The following RPS6KL1 variants were observed in gnomAD, a reference collection of about 807,000 sequenced individuals.
RPS6KL1 encodes the protein ribosomal protein S6 kinase-like 1.
A neutral mutation model predicts 57.0 loss-of-function variants in RPS6KL1; 41 were observed. The ratio of observed to expected loss-of-function variants is 0.72; its 90% CI spans 0.56 to 0.93. The LOEUF is 0.93. Ranked by LOEUF, RPS6KL1 falls within the 40% of genes least tolerant of loss-of-function variation. The pLI is 0.00. For missense variants in RPS6KL1, 697 were observed against 727.7 expected, an observed-to-expected ratio of 0.96 and a Z score of 0.49; for synonymous variants, 287 against 309.7, an observed-to-expected ratio of 0.93 and a Z score of 0.77.
At chr14:74,919,617 T>C (rs1887458520) in intron 4 of RPS6KL1, among the ~76,000 whole-genome samples, 1 of 152,200 alleles carries the variant, frequency 6.6e-6, no homozygotes, top group Non-Finnish European at 1.5e-5. Context: ...CGACTGGAGA[T>C]GACTCAGTGA....
chr14:74,913,026 T>C (rs1018532739), intron 5 of RPS6KL1, among the ~76,000 whole-genome samples: 1 of 152,236 alleles, frequency 6.6e-6, no homozygotes, highest in Non-Finnish European at 1.5e-5. Context: ...TCCTTGGCTG[T>C]TGGCCTGCCC....
At chr14:74,907,394 C>T (rs908819526) in intron 11 of RPS6KL1, 41 bp downstream of exon 11, 7 of 1,544,132 alleles carry the variant, frequency 4.5e-6, no homozygotes, top group Non-Finnish European at 6.1e-6. Context: ...GCACCTTCCT[C>T]AGGCTAGGCA....
At chr14:74,912,636 C>T (rs778068263) in intron 5 of RPS6KL1, among the ~76,000 whole-genome samples, 1 of 152,208 alleles carries the variant, frequency 6.6e-6, no homozygotes, top group Non-Finnish European at 1.5e-5. Context: ...GCTTGGCACG[C>T]TGCGTTCAGG....
At position 74,906,671 on chromosome 14, in the gene RPS6KL1, G is replaced by C; in HGVS notation, c.*343C>G. The C allele has an allele frequency of 1.9e-6, 1 of 532,554 alleles. No individual in the cohort carries two copies. The highest frequency in any genetic ancestry group is 3.8e-6 in the Non-Finnish European group (1 of 263,472). 33.0% of individuals were successfully genotyped at this position (532,554 alleles called of 1,614,324 possible). ...GAGTGAGTCACAGAACCTCACAGTAGGGTGCAGCAGGTGGTCAACAGCTCA... is the reference window on the plus strand; with the variant it reads ...GAGTGAGTCACAGAACCTCACAGTACGGTGCAGCAGGTGGTCAACAGCTCA... On this transcript the variant is annotated 3_prime_UTR_variant, in exon 12 of 12. Transcript: ENST00000557413.
At chr14:74,921,136 T>C in intron 3 of RPS6KL1, 141 bp downstream of exon 3, 1 of 712,500 alleles carries the variant, frequency 1.4e-6, no homozygotes, top group Non-Finnish European at 2.3e-6. Context: ...TATCATTGTC[T>C]TTTATGGAGG....
In RPS6KL1 at chr14:74,910,059, G is replaced by A. The variant is rs775262253; in HGVS notation, c.754C>T (p.Gln252Ter). The change falls in exon 8 of 12, where the codon CAG (glutamine) becomes TAG (stop). Residue 252 changes from glutamine to a stop codon, truncating the protein, a stop_gained. Coordinates refer to ENST00000557413, the MANE Select transcript of RPS6KL1 (RefSeq NM_031464.5). LOFTEE classifies it high-confidence loss of function. ...AGGAGGTTGAGGTGGGGGTTGAGCT[G>A]AGCCTTCATCCTCTCCTGGGTAGAG... ...SGSTQERMKA[Q>*]LNPHLNLLTP... 3 of 1,611,668 alleles carry A rather than the reference G, an allele frequency of 1.9e-6. No individual in the cohort carries two copies. The highest frequency in any genetic ancestry group is 1.7e-6 in the Non-Finnish European group (2 of 1,179,362).
chr14:74,916,408 G>C (rs548200606), intron 5 of RPS6KL1, among the ~76,000 whole-genome samples: 37 of 152,178 alleles, frequency 2.4e-4, no homozygotes, highest in Non-Finnish European at 8.8e-5. Context: ...AGAATGCGGC[G>C]GGCCACTGGC....
At chr14:74,911,621 G>GTATGTGTA in intron 6 of RPS6KL1, 173 bp downstream of exon 6, 1 of 684,684 alleles carries the variant, frequency 1.5e-6, no homozygotes, top group African/African-American at 1.8e-5. Flanking sequence ...ATGTGTATGT[G>GTATGTGTA]TGTGTGTGCA....
chr14:74,908,876 G>A lies in RPS6KL1; in HGVS notation c.1417C>T (p.Leu473=), dbSNP rs1056922839. ...ATTCCCGTCAGCAGTTCATACAGTA[G>A]AGACCCAAAGCTCCACCAGTCACAG... ...EACDWWSFGS[L]LYELLTGMAL... is the part of the protein sequence containing the mutation. The change falls in exon 10 of 12, where the codon CTA becomes TTA. Residue 473 remains leucine, a synonymous_variant. Coordinates refer to ENST00000557413, the MANE Select transcript of RPS6KL1 (RefSeq NM_031464.5). 1.2e-6 allele frequency: 2 copies of A among 1,614,014 alleles called. No homozygotes were observed. Among genetic ancestry groups the A allele is most frequent in the Non-Finnish European group, 1.7e-6 (2 of 1,180,032 alleles).
At chr14:74,921,238 T>TTGCCCCCCCCC in intron 3 of RPS6KL1, 39 bp downstream of exon 3, 11 of 840,166 alleles carry the variant, frequency 1.3e-5, no homozygotes, top group Non-Finnish European at 1.6e-5. Flanking sequence ...CACTGGCCCT[T>TTGCCCCCCCCC]CCCCACCCAC....
chr14:74,921,125 C>T, intron 3 of RPS6KL1, 152 bp downstream of exon 3: 1 of 659,366 alleles, frequency 1.5e-6, no homozygotes, highest in Non-Finnish European at 2.6e-6. Context: ...TAAGTGCCAG[C>T]TATCATTGTC....
intron 8 of RPS6KL1, 35 bp from the exon 9 acceptor site, chr14:74,909,225 T>C (rs376155031): frequency 1.6e-5 from 26 of 1,592,140 alleles, no homozygotes; most frequent in African/African-American, 4.0e-5. Flanking sequence ...AGGGGACAGA[T>C]TGAGGACAGC....
chr14:74,906,777 C>T lies in RPS6KL1; in HGVS notation c.*237G>A, dbSNP rs756154111. 62 of 677,720 alleles carry T rather than the reference C, an allele frequency of 9.1e-5. 1 individual carries two copies. The Admixed American group carries it at 1.2e-3, about 13-fold the overall frequency. 42.0% of individuals were successfully genotyped at this position (677,720 alleles called of 1,614,324 possible). A position where few individuals can be genotyped will look rare whatever the true frequency, so the allele number is the denominator to read the frequency against. ...TCTGTTGACTGATGGGTAGATGGTT[C>T]AAGCTGCTTAGCAGGGCAAGCCTTG... On this transcript the variant is annotated 3_prime_UTR_variant, in exon 12 of 12. Transcript: ENST00000557413.
chr14:74,921,339 T>C lies in RPS6KL1; in HGVS notation c.203A>G (p.Asp68Gly). 1 of 1,614,158 alleles carries C rather than the reference T, an allele frequency of 6.2e-7. No homozygotes were observed. The highest frequency in any genetic ancestry group is 1.3e-5 in the African/African-American group (1 of 75,022). ...RLALERDVSEDYEAAFNHYQN... is the reference protein window; with the variant it reads ...RLALERDVSEGYEAAFNHYQN... The stretch of plus-strand genomic sequence containing the variant: ...ATAGTGGTTGAAGGCCGCCTCATAG[T>C]CCTCACTAACATCGCGCTCCAGGGC... Residue 68 changes from aspartate (D) to glycine (G), a missense_variant, in exon 3 of 12, where the codon GAC becomes GGC. Asp to Gly is a moderately conservative substitution (Grantham distance 94). Transcript: ENST00000557413.
Position 74,906,849 on chromosome 14 carries a change from G to T in RPS6KL1, c.*165C>A, listed in dbSNP as rs1594896818. The T allele has an allele frequency of 1.3e-6, 1 of 764,064 alleles. No individual in the cohort carries two copies. Among genetic ancestry groups the T allele is most frequent in the Non-Finnish European group, 2.4e-6 (1 of 416,566 alleles). The allele number at this position is 764,064 out of a possible 1,614,324, so 47.3% of individuals were successfully genotyped here. ...TCCAGGAGCTGGCCCTTCCTGGGTG[G>T]TGGCCATAATTCTGAGGCCCCAGTG... On this transcript the variant is annotated 3_prime_UTR_variant, in exon 12 of 12. Coordinates refer to ENST00000557413, the MANE Select transcript of RPS6KL1 (RefSeq NM_031464.5).
At chr14:74,914,471 G>A (rs1886529029) in intron 5 of RPS6KL1, among the ~76,000 whole-genome samples, 1 of 152,238 alleles carries the variant, frequency 6.6e-6, no homozygotes, top group South Asian at 2.1e-4. Flanking sequence ...AAAGATTTCT[G>A]TTAAAAACAT....
In RPS6KL1 at chr14:74,910,979, C is replaced by T. The variant is rs555664667; in HGVS notation, c.664+269G>A. ...CTCCACCTCCCGGGTTCAAGCCATTCTCCTGCCTCCACCTCCCAAGTAGCT... is the reference window on the plus strand; with the variant it reads ...CTCCACCTCCCGGGTTCAAGCCATTTTCCTGCCTCCACCTCCCAAGTAGCT... On this transcript the variant is annotated intron_variant, in intron 7 of 11. Transcript: ENST00000557413. 29 of 370,122 alleles carry T rather than the reference C, an allele frequency of 7.8e-5. 1 individual carries two copies. The highest frequency in any genetic ancestry group is 5.9e-4 in the African/African-American group (28 of 47,344). The allele number at this position is 370,122 out of a possible 1,614,324, so 22.9% of individuals were successfully genotyped here.
In RPS6KL1 at chr14:74,921,258, G is replaced by A; in HGVS notation, c.265+19C>T. 1.3e-6 allele frequency: 1 copy of A among 766,358 alleles called. No individual in the cohort carries two copies. Among genetic ancestry groups the A allele is most frequent in the Non-Finnish European group, 2.2e-6 (1 of 460,310 alleles). The allele number at this position is 766,358 out of a possible 1,614,324, so 47.5% of individuals were successfully genotyped here. On this transcript the variant is annotated intron_variant, in intron 3 of 11. Coordinates refer to ENST00000557413, the MANE Select transcript of RPS6KL1 (RefSeq NM_031464.5). ...GCCCTTCCCCACCCACCCCAGCCCT[G>A]CCCAGCCCCGGTCCTCACCGTGTAT...
chr14:74,905,510 C>G lies in RPS6KL1; in HGVS notation c.*1504G>C, dbSNP rs1884638166. On this transcript the variant is annotated 3_prime_UTR_variant, in exon 12 of 12. Coordinates refer to ENST00000557413, the MANE Select transcript of RPS6KL1 (RefSeq NM_031464.5). ...CCTGAGGCCCACATGGCATGCTGCT[C>G]ACCACCAGCCCTGCGTCCTACTTCC... 6.6e-6 allele frequency: 1 copy of G among 152,052 alleles called. No individual in the cohort carries two copies. The highest frequency in any genetic ancestry group is 1.5e-5 in the Non-Finnish European group (1 of 68,068). 9.4% of individuals were successfully genotyped at this position (152,052 alleles called of 1,614,324 possible).
Sources: gnomAD v4.1 joint callset for allele counts (sites outside exome capture counted in the v4.1 genomes callset) on GRCh38, gnomAD v4.1.1 for gene constraint, MANE v1.5 for transcripts, NCBI Gene and HGNC (gene_info 2026-07-23, HGNC 2026-07-21) for gene names.